The following STK39 variants were observed in gnomAD, a reference collection of about 807,000 sequenced individuals.
STK39 encodes the protein serine/threonine kinase 39.
A neutral mutation model predicts 77.8 loss-of-function variants in STK39; 20 were observed. The observed-to-expected ratio is 0.26, with a 90% CI of 0.18 to 0.37. The LOEUF (loss-of-function observed/expected upper bound fraction) is 0.37, where lower values mean the gene tolerates loss of function less well. Ranked by LOEUF, STK39 falls within the 10% of genes least tolerant of loss-of-function variation. The pLI is 1.00. For synonymous variants in STK39, 246 were observed against 234.1 expected, an observed-to-expected ratio of 1.05 and a Z score of -0.47; for missense variants, 479 against 656.5, an observed-to-expected ratio of 0.73 and a Z score of 2.95.
intron 1 of STK39, among the ~76,000 whole-genome samples, chr2:168,236,359 T>C (rs1406681409): frequency 6.6e-6 from 1 of 152,200 alleles, no homozygotes; most frequent in South Asian, 2.1e-4. Context: ...TAGCCCTTTG[T>C]CAGATGAGTA....
At chr2:168,022,204 G>A (rs1333881088) in intron 14 of STK39, among the ~76,000 whole-genome samples, 1 of 152,124 alleles carries the variant, frequency 6.6e-6, no homozygotes, top group Non-Finnish European at 1.5e-5. Context: ...ATTGTAAACA[G>A]TGCTTCAATA....
Position 168,005,363 on chromosome 2 carries a change from G to A in STK39, c.1498+7271C>T, listed in dbSNP as rs115498192. Among the ~76,000 whole-genome samples the A allele has an allele frequency of 9.9e-3, 1,499 of 151,592 alleles. 35 individuals are homozygous for A. The highest frequency in any genetic ancestry group is 0.034 in the African/African-American group (1,420 of 41,286). ...CCAAGAGACCAGACTCAAAAGTCAT[G>A]TGACAATTCTATTTCTGAGAGAAAG... On this transcript the variant is annotated intron_variant, in intron 16 of 17. Coordinates refer to ENST00000355999, the MANE Select transcript of STK39 (RefSeq NM_013233.3).
intron 14 of STK39, among the ~76,000 whole-genome samples, chr2:168,030,705 T>C (rs1684813692): frequency 6.6e-6 from 1 of 152,252 alleles, no homozygotes; most frequent in Admixed American, 6.5e-5. Flanking sequence ...ATTTCCCCTT[T>C]TGATCCACTT....
chr2:168,055,145 C>A (rs1367653353), intron 14 of STK39, among the ~76,000 whole-genome samples: 2 of 152,134 alleles, frequency 1.3e-5, no homozygotes, highest in African/African-American at 4.8e-5. Context: ...CACTATTTAA[C>A]CTTTCAGGGA....
At chr2:168,210,077 G>GGAAGGAAGGAAT (rs1467067836) in intron 1 of STK39, among the ~76,000 whole-genome samples, 1 of 149,580 alleles carries the variant, frequency 6.7e-6, no homozygotes, top group Admixed American at 6.7e-5. Context: ...AAGGAAGGAA[G>GGAAGGAAGGAAT]GAAGAAAGAA....
chr2:168,185,693 CACT>C (rs1689191272), intron 1 of STK39, among the ~76,000 whole-genome samples: 1 of 152,182 alleles, frequency 6.6e-6, no homozygotes, highest in South Asian at 2.1e-4. Flanking sequence ...TTGCAAAAAT[CACT>C]ACTATTGTCA....
chr2:168,098,848 T>C (rs1298453154), intron 10 of STK39, among the ~76,000 whole-genome samples: 1 of 152,260 alleles, frequency 6.6e-6, no homozygotes, highest in African/African-American at 2.4e-5. Flanking sequence ...GTAGAACCTA[T>C]TGTTCCCTCC....
At chr2:168,180,206 G>A (rs1388637901) in intron 2 of STK39, among the ~76,000 whole-genome samples, 2 of 152,114 alleles carry the variant, frequency 1.3e-5, no homozygotes, top group Non-Finnish European at 2.9e-5. Context: ...AATTAGCCGG[G>A]CGTGGTGGTG....
At chr2:168,085,215 C>A (rs1026891915) in intron 10 of STK39, among the ~76,000 whole-genome samples, 4 of 152,178 alleles carry the variant, frequency 2.6e-5, no homozygotes, top group African/African-American at 9.7e-5. Flanking sequence ...TCCTTAGCTG[C>A]AAACACTGAC....
rs183905949 is a variant in STK39, at chr2:168,012,298, G to C, written c.1498+336C>G. On this transcript the variant is annotated intron_variant, in intron 16 of 17. Coordinates refer to ENST00000355999, the MANE Select transcript of STK39 (RefSeq NM_013233.3). The stretch of plus-strand genomic sequence containing the variant: ...AGCGATTCTCCTGCCTCAGCTTCTC[G>C]AGTAGTTGAGATTACGGGCGTACAC... Among the ~76,000 whole-genome samples the C allele has an allele frequency of 4.0e-3, 611 of 151,728 alleles. 3 individuals are homozygous for C. The highest frequency in any genetic ancestry group is 0.017 in the Middle Eastern group (5 of 292).
intron 10 of STK39, among the ~76,000 whole-genome samples, chr2:168,108,676 C>T (rs2105465581): frequency 6.6e-6 from 1 of 152,236 alleles, no homozygotes; most frequent in Admixed American, 6.5e-5. Context: ...CTTGTTTGGT[C>T]TGTCATAGGT....
intron 14 of STK39, among the ~76,000 whole-genome samples, chr2:168,034,422 T>C (rs952056902): frequency 1.5e-4 from 23 of 152,214 alleles, no homozygotes; most frequent in African/African-American, 2.9e-4. Context: ...TTAGAAGATA[T>C]AGAAGACTGA....
intron 1 of STK39, among the ~76,000 whole-genome samples, chr2:168,212,564 A>G (rs1035544558): frequency 1.3e-5 from 2 of 152,238 alleles, no homozygotes; most frequent in Non-Finnish European, 2.9e-5. Flanking sequence ...AACTGTTTAG[A>G]GCATGCCTCA....
At chr2:168,012,818 AC>A (rs1684304462) in intron 15 of STK39, 116 bp from the exon 16 acceptor site, 1 of 708,868 alleles carries the variant, frequency 1.4e-6, no homozygotes. Flanking sequence ...TTTTAATTCA[AC>A]AATTCAGACT....
chr2:167,975,607 A>G (rs1242191110), intron 16 of STK39, among the ~76,000 whole-genome samples: 1 of 152,138 alleles, frequency 6.6e-6, no homozygotes, highest in African/African-American at 2.4e-5. Flanking sequence ...TGAGGTCAGG[A>G]GATCGAGACC....
chr2:168,000,524 A>T (rs1231142177), intron 16 of STK39, among the ~76,000 whole-genome samples: 3 of 152,218 alleles, frequency 2.0e-5, no homozygotes, highest in Admixed American at 6.5e-5. Flanking sequence ...TTAGACACTG[A>T]GTTCCCCTTG....
intron 12 of STK39, among the ~76,000 whole-genome samples, chr2:168,074,212 T>TA (rs954070412): frequency 2.0e-5 from 3 of 152,078 alleles, no homozygotes; most frequent in Non-Finnish European, 4.4e-5. Context: ...GTCTGCTGAT[T>TA]AAAAAAAATT....
chr2:168,051,316 T>C (rs2105367022), intron 14 of STK39, among the ~76,000 whole-genome samples: 2 of 152,272 alleles, frequency 1.3e-5, no homozygotes, highest in Middle Eastern at 6.8e-3. Context: ...AAGGATAACT[T>C]AAAATACAAA....
chr2:168,138,084 T>G lies in STK39; in HGVS notation c.974+4A>C. ...CATTAACTCATCCACTAAGTTTCAC[T>G]TACCTTTTGGAAGGATCTTTCTGAA... On this transcript the variant is annotated splice_donor_region_variant and intron_variant, in intron 8 of 17. Transcript: ENST00000355999. 6.2e-7 allele frequency: 1 copy of G among 1,613,244 alleles called. No homozygotes were observed. The highest frequency in any genetic ancestry group is 8.5e-7 in the Non-Finnish European group (1 of 1,179,512).
Sources: gnomAD v4.1 joint callset for allele counts (sites outside exome capture counted in the v4.1 genomes callset) on GRCh38, gnomAD v4.1.1 for gene constraint, MANE v1.5 for transcripts, NCBI Gene and HGNC (gene_info 2026-07-23, HGNC 2026-07-21) for gene names.